The following FREM3 variants were observed in gnomAD, a reference collection of about 807,000 sequenced individuals.
The protein encoded by FREM3 is FRAS1 related extracellular matrix 3, also known as FRAS1-related extracellular matrix protein 3.
In FREM3, 105 loss-of-function variants were observed where a neutral mutation model predicts 129.1. The observed-to-expected ratio is 0.81, with a 90% CI of 0.69 to 0.96. FREM3 has a LOEUF of 0.96. FREM3 is among the 40% of genes least tolerant of loss of function. The pLI is 0.00. For missense variants in FREM3, 2,593 were observed against 2,666.3 expected, an observed-to-expected ratio of 0.97 and a Z score of 0.61; for synonymous variants, 1,014 against 1,044.9, an observed-to-expected ratio of 0.97 and a Z score of 0.57.
rs1413366600 is a variant in FREM3, at chr4:143,585,913, C to G, written c.6109G>C (p.Gly2037Arg). Reference protein sequence around the residue: ...RYVEVCVWRRGTDLSQPSSIA... With the variant: ...RYVEVCVWRRRTDLSQPSSIA... ...GATGATGGTTGGGAAAGATCAGTGC[C>G]TCTTCTCCAAACACAAACCTCCACG... Residue 2037 changes from glycine (G) to arginine (R), a missense_variant, in exon 7 of 8, where the codon GGC (glycine) becomes CGC (arginine). Transcript: ENST00000329798. This position sits in a 1 kb window ranked among gnomAD's most constrained non-coding sequence, Gnocchi z 4.2. The G allele has an allele frequency of 6.5e-7, 1 of 1,537,304 alleles. No individual in the cohort carries two copies. Among genetic ancestry groups the G allele is most frequent in the East Asian group, 2.4e-5 (1 of 40,926 alleles).
At chr4:143,617,822 G>T (rs1392718645) in intron 5 of FREM3, among the ~76,000 whole-genome samples, 1 of 152,156 alleles carries the variant, frequency 6.6e-6, no homozygotes, top group Non-Finnish European at 1.5e-5. Context: ...TCTAGTTTGG[G>T]TCTTGCAATA....
At chr4:143,645,507 A>C (rs1458776190) in intron 2 of FREM3, among the ~76,000 whole-genome samples, 2 of 152,226 alleles carry the variant, frequency 1.3e-5, no homozygotes, top group African/African-American at 4.8e-5. Flanking sequence ...GGCCTCATTC[A>C]ATCAGTTAAG....
chr4:143,595,606 A>G (rs868151815), intron 6 of FREM3, among the ~76,000 whole-genome samples: 1 of 152,088 alleles, frequency 6.6e-6, no homozygotes, highest in Non-Finnish European at 1.5e-5. Flanking sequence ...AAAAGAAGGG[A>G]GCCGGGCACC....
At chr4:143,649,312 C>CCACACCTTATGTTCTT (rs1368228515) in intron 2 of FREM3, 3 of 152,234 alleles carry the variant, frequency 2.0e-5, no homozygotes, top group African/African-American at 7.2e-5. Flanking sequence ...CACACATGCT[C>CCACACCTTATGTTCTT]CACACCTTAT....
At chr4:143,579,444 G>A (rs1426395239) in intron 7 of FREM3, among the ~76,000 whole-genome samples, 2 of 152,110 alleles carry the variant, frequency 1.3e-5, no homozygotes, top group Admixed American at 6.5e-5. Flanking sequence ...CAGAGTGAGA[G>A]CCTGTCTCAA....
intron 2 of FREM3, among the ~76,000 whole-genome samples, chr4:143,662,735 A>G (rs1191597772): frequency 6.6e-6 from 1 of 151,710 alleles, no homozygotes; most frequent in Non-Finnish European, 1.5e-5. Flanking sequence ...TTTATAGGTC[A>G]CTCAGGACTT....
chr4:143,669,271 T>C (rs551733335), intron 2 of FREM3, among the ~76,000 whole-genome samples: 29 of 152,160 alleles, frequency 1.9e-4, no homozygotes, highest in Non-Finnish European at 2.6e-4. Flanking sequence ...CATAACTCTA[T>C]TCTTAGCTGT....
At position 143,693,261 on chromosome 4, in the gene FREM3, T is replaced by A. The variant is rs1228871845; in HGVS notation, c.5186-59A>T. 1.6e-5 allele frequency: 13 copies of A among 805,722 alleles called. No homozygotes were observed. In the East Asian group the frequency reaches 2.6e-4, roughly 16 times the overall value. The allele number at this position is 805,722 out of a possible 1,614,324, so 49.9% of individuals were successfully genotyped here. On this transcript the variant is annotated intron_variant, in intron 1 of 7. Transcript: ENST00000329798. ...TTGGCACAAATGAAAATGAGTATGT[T>A]AACAACTTCAAAGTTTTAATTAGGC...
Position 143,601,281 on chromosome 4 carries a change from A to C in FREM3, c.6028+9998T>G, listed in dbSNP as rs181765807. Reference sequence around the variant, plus strand: ...CAAAATGACACTTTGTTTATGCACAATTTTTCCTTACAATGTTTTCTTAAA... The same window carrying C: ...CAAAATGACACTTTGTTTATGCACACTTTTTCCTTACAATGTTTTCTTAAA... On this transcript the variant is annotated intron_variant, in intron 6 of 7. Transcript: ENST00000329798. Among the ~76,000 whole-genome samples the C allele has an allele frequency of 3.5e-4, 54 of 152,256 alleles. 2 individuals carry two copies. Among genetic ancestry groups the C allele is most frequent in the Admixed American group, 3.5e-3 (54 of 15,280 alleles).
chr4:143,578,367 G>A (rs867975148), intron 7 of FREM3, among the ~76,000 whole-genome samples: 16 of 152,040 alleles, frequency 1.1e-4, no homozygotes, highest in East Asian at 5.8e-4. Context: ...CCACCTCACC[G>A]TACAGCTTCT....
At chr4:143,598,484 TG>T (rs1738520587) in intron 6 of FREM3, among the ~76,000 whole-genome samples, 1 of 152,130 alleles carries the variant, frequency 6.6e-6, no homozygotes, top group Non-Finnish European at 1.5e-5. Flanking sequence ...TAGTGCTCAG[TG>T]ACAGGTGACA....
chr4:143,645,935 T>C (rs1739406663), intron 2 of FREM3, among the ~76,000 whole-genome samples: 3 of 152,230 alleles, frequency 2.0e-5, no homozygotes. Flanking sequence ...TTGGACCCTG[T>C]CTTCATGTTT....
In FREM3 at chr4:143,660,618, A is replaced by G. The variant is rs561761569; in HGVS notation, c.5275+32495T>C. 3.9e-5 allele frequency among the ~76,000 whole-genome samples: 6 copies of G among 152,230 alleles called. No individual in the cohort carries two copies. The East Asian group carries it at 1.2e-3, about 29-fold the overall frequency. ...TAAAGTAGTTTTTTCCAATTCTGTG[A>G]GGAAAGTCATTGGTAGCTTGATGGG... On this transcript the variant is annotated intron_variant, in intron 2 of 7. Coordinates refer to ENST00000329798, the MANE Select transcript of FREM3 (RefSeq NM_001168235.2).
chr4:143,675,880 G>A (rs1387381684), intron 2 of FREM3, among the ~76,000 whole-genome samples: 1 of 152,090 alleles, frequency 6.6e-6, no homozygotes, highest in African/African-American at 2.4e-5. Flanking sequence ...AACAGGCTCT[G>A]AAACTGAGGC....
intron 2 of FREM3, 96 bp from the exon 3 acceptor site, chr4:143,627,856 TC>T: frequency 1.3e-6 from 1 of 756,000 alleles, no homozygotes. Flanking sequence ...ACCAAGGGTT[TC>T]AAAACATACT....
At chr4:143,593,811 T>G (rs1738413524) in intron 6 of FREM3, among the ~76,000 whole-genome samples, 1 of 152,212 alleles carries the variant, frequency 6.6e-6, no homozygotes, top group Non-Finnish European at 1.5e-5. Flanking sequence ...GTCTTTTGTT[T>G]GTCTGTGCCC....
At chr4:143,675,597 C>A (rs1740101160) in intron 2 of FREM3, among the ~76,000 whole-genome samples, 1 of 152,024 alleles carries the variant, frequency 6.6e-6, no homozygotes, top group African/African-American at 2.4e-5. Flanking sequence ...TCAATGGATC[C>A]AGGAGCTGGT....
chr4:143,597,070 A>C (rs1738496735), intron 6 of FREM3, among the ~76,000 whole-genome samples: 1 of 152,208 alleles, frequency 6.6e-6, no homozygotes, highest in Non-Finnish European at 1.5e-5. Flanking sequence ...AGCGGGGAGC[A>C]TCAACCCTTG....
At chr4:143,616,341 C>T (rs1196914985) in intron 5 of FREM3, among the ~76,000 whole-genome samples, 1 of 152,138 alleles carries the variant, frequency 6.6e-6, no homozygotes, top group Non-Finnish European at 1.5e-5. Flanking sequence ...GAACAGAAAA[C>T]TATAATCCCC....
Sources: allele counts gnomAD v4.1 joint callset (sites outside exome capture counted in the v4.1 genomes callset), GRCh38; gene constraint gnomAD v4.1.1; non-coding constraint Gnocchi (gnomAD v3.1); transcripts MANE v1.5; gene names NCBI Gene and HGNC (gene_info 2026-07-23, HGNC 2026-07-21).